Variants in MALRD1 observed in about 807,000 individuals in gnomAD.
The protein encoded by MALRD1 is MAM and LDL-receptor class A domain-containing protein 1.
A neutral mutation model predicts 242.1 loss-of-function variants in MALRD1; 247 were observed. The observed-to-expected ratio is 1.02, with a 90% confidence interval of 0.92 to 1.13. MALRD1 has a LOEUF of 1.13. MALRD1 is among the 50% of genes most tolerant of loss of function. MALRD1 has a pLI of 0.00. For missense variants in MALRD1, 2,989 were observed against 2,533.1 expected (o/e 1.18, Z -3.86); for synonymous variants, 995 against 866.6 (o/e 1.15, Z -2.60).
intron 36 of MALRD1, among the ~76,000 whole-genome samples, chr10:19,650,319 C>A (rs1840814468): frequency 6.6e-6 from 1 of 152,144 alleles, no homozygotes; most frequent in Non-Finnish European, 1.5e-5. Context: ...TAGACAAAAA[C>A]TGTGAAAATT....
chr10:19,662,116 A>G (rs531144152), intron 36 of MALRD1, among the ~76,000 whole-genome samples: 1 of 152,288 alleles, frequency 6.6e-6, no homozygotes, highest in South Asian at 2.1e-4. Flanking sequence ...ATTATTATGT[A>G]CTATTCTAAG....
At chr10:19,566,397 C>T in intron 32 of MALRD1, among the ~76,000 whole-genome samples, 1 of 150,662 alleles carries the variant, frequency 6.6e-6, no homozygotes, top group Non-Finnish European at 1.5e-5. Flanking sequence ...CCTTGGCCTC[C>T]CAAAGTGCTG....
intron 26 of MALRD1, among the ~76,000 whole-genome samples, chr10:19,386,719 T>C (rs1846092589): frequency 2.1e-5 from 1 of 48,750 alleles, no homozygotes; most frequent in Non-Finnish European, 4.2e-5. Flanking sequence ...TACATATACA[T>C]ATACACACAC....
intron 32 of MALRD1, among the ~76,000 whole-genome samples, chr10:19,544,691 A>G (rs1000292995): frequency 6.6e-6 from 1 of 152,096 alleles, no homozygotes; most frequent in Non-Finnish European, 1.5e-5. Flanking sequence ...ATTGGCCTGA[A>G]TCATCCTCTC....
intron 19 of MALRD1, among the ~76,000 whole-genome samples, chr10:19,269,850 T>A (rs750425844): frequency 7.2e-5 from 11 of 152,212 alleles, no homozygotes; most frequent in Non-Finnish European, 1.0e-4. Flanking sequence ...TTAGAGTAGT[T>A]GTCCTTTTAC....
intron 18 of MALRD1, among the ~76,000 whole-genome samples, chr10:19,238,940 T>C (rs1021567826): frequency 2.6e-5 from 4 of 152,024 alleles, no homozygotes; most frequent in African/African-American, 9.7e-5. Flanking sequence ...TGGTATCTTA[T>C]TGTGGTTTTG....
intron 36 of MALRD1, among the ~76,000 whole-genome samples, chr10:19,638,915 G>A (rs1441494876): frequency 6.6e-6 from 1 of 151,640 alleles, no homozygotes; most frequent in African/African-American, 2.4e-5. Context: ...TTTATTTTAT[G>A]TTTTATTTTT....
chr10:19,211,109 G>T (rs1161424981), intron 18 of MALRD1, among the ~76,000 whole-genome samples: 1 of 152,092 alleles, frequency 6.6e-6, no homozygotes, highest in Admixed American at 6.5e-5. Context: ...AGTATGTAGT[G>T]GATAAGCCCT....
At chr10:19,325,715 C>A (rs1843097538) in intron 22 of MALRD1, among the ~76,000 whole-genome samples, 1 of 152,114 alleles carries the variant, frequency 6.6e-6, no homozygotes, top group South Asian at 2.1e-4. Flanking sequence ...GTAGGGCTAT[C>A]TTGCTGGAAG....
chr10:19,293,272 A>AAG (rs1841534798), intron 21 of MALRD1, among the ~76,000 whole-genome samples: 1 of 152,194 alleles, frequency 6.6e-6, no homozygotes, highest in Non-Finnish European at 1.5e-5. Context: ...AACTGTAGTT[A>AAG]TATATACATA....
In MALRD1 at chr10:19,473,534, T is replaced by G. The variant is rs79332471; in HGVS notation, c.5030-17983T>G. 1.8e-3 allele frequency among the ~76,000 whole-genome samples: 267 copies of G among 152,162 alleles called. 2 individuals carry two copies. The highest frequency in any genetic ancestry group is 6.3e-3 in the African/African-American group (261 of 41,536). ...ATTTTACTTTCTGTCTCTGTGAATT[T>G]TTCTACTCTGGGTGCCACACATGAG... On this transcript the variant is annotated intron_variant, in intron 29 of 39. Coordinates refer to ENST00000454679, the MANE Select transcript of MALRD1 (RefSeq NM_001142308.3).
At chr10:19,579,985 C>T (rs537216251) in intron 33 of MALRD1, among the ~76,000 whole-genome samples, 1 of 152,276 alleles carries the variant, frequency 6.6e-6, no homozygotes, top group South Asian at 2.1e-4. Flanking sequence ...CAACCTCGTC[C>T]AACATTGCAT....
At chr10:19,315,039 T>G (rs933333754) in intron 21 of MALRD1, among the ~76,000 whole-genome samples, 38 of 142,278 alleles carry the variant, frequency 2.7e-4, no homozygotes, top group East Asian at 1.2e-3. Flanking sequence ...ATAATTTATA[T>G]AAATATGTAA....
At chr10:19,320,867 GTCT>G (rs1842889215) in intron 21 of MALRD1, among the ~76,000 whole-genome samples, 4 of 151,920 alleles carry the variant, frequency 2.6e-5, no homozygotes, top group Non-Finnish European at 5.9e-5. Flanking sequence ...CTGCATAAAT[GTCT>G]TCTTTTGAGA....
intron 21 of MALRD1, among the ~76,000 whole-genome samples, chr10:19,297,442 G>A (rs1047943345): frequency 4.1e-4 from 62 of 151,826 alleles, no homozygotes; most frequent in East Asian, 3.9e-4. Context: ...TTAGTGGCAC[G>A]ACGGTAAGAG....
At chr10:19,264,456 CTTTTT>C (rs1261988988) in intron 19 of MALRD1, among the ~76,000 whole-genome samples, 1 of 111,608 alleles carries the variant, frequency 9.0e-6, no homozygotes. Context: ...TTTTCTTTTT[CTTTTT>C]TTTTTTTTTT....
intron 19 of MALRD1, among the ~76,000 whole-genome samples, chr10:19,278,536 T>A (rs965406767): frequency 3.9e-5 from 6 of 152,196 alleles, no homozygotes; most frequent in Non-Finnish European, 7.4e-5. Context: ...CACTTGTCAA[T>A]GTTAGTATAC....
At chr10:19,482,515 T>G (rs1837037787) in intron 29 of MALRD1, among the ~76,000 whole-genome samples, 1 of 151,942 alleles carries the variant, frequency 6.6e-6, no homozygotes, top group Non-Finnish European at 1.5e-5. Flanking sequence ...GATTCTATAC[T>G]GAGAAAGCCC....
At chr10:19,417,093 C>T (rs1348076987) in intron 28 of MALRD1, among the ~76,000 whole-genome samples, 1 of 152,158 alleles carries the variant, frequency 6.6e-6, no homozygotes, top group Non-Finnish European at 1.5e-5. Context: ...CCCACTTTCC[C>T]AGCTTTTTAT....
Sources: allele counts gnomAD v4.1 joint callset (sites outside exome capture counted in the v4.1 genomes callset), GRCh38; gene constraint gnomAD v4.1.1; transcripts MANE v1.5; gene names NCBI Gene and HGNC (gene_info 2026-07-23, HGNC 2026-07-21).